Variants in GABBR2 observed in about 807,000 individuals in gnomAD.
GABBR2 encodes gamma-aminobutyric acid type B receptor subunit 2, also known as G-protein coupled receptor 51.
A neutral mutation model predicts 105.6 loss-of-function variants in GABBR2; 23 were observed. That is an observed-to-expected ratio of 0.22 (90% CI 0.16 to 0.31). GABBR2 has a LOEUF of 0.31. GABBR2 is among the 10% of genes least tolerant of loss of function. GABBR2 has a pLI of 1.00. For synonymous variants in GABBR2, 478 were observed against 499.7 expected (o/e 0.96, Z 0.58); for missense variants, 734 against 1,245.5 (o/e 0.59, Z 6.18).
chr9:98,586,291 T>C (rs1829075417), intron 1 of GABBR2, among the ~76,000 whole-genome samples: 2 of 150,270 alleles, frequency 1.3e-5, no homozygotes, highest in Non-Finnish European at 1.5e-5. Flanking sequence ...TTTCTTTTTT[T>C]TTTTTTTTTT....
intron 1 of GABBR2, among the ~76,000 whole-genome samples, chr9:98,614,006 G>C (rs1743994096): frequency 6.6e-6 from 1 of 152,162 alleles, no homozygotes; most frequent in Non-Finnish European, 1.5e-5. Context: ...GGGTTGTGAT[G>C]CATGATTACA....
At position 98,479,225 on chromosome 9, in the gene GABBR2, G is replaced by T. The variant is rs560658824; in HGVS notation, c.798+1707C>A. Among the ~76,000 whole-genome samples the T allele has an allele frequency of 4.6e-5, 7 of 152,166 alleles. No homozygotes were observed. The East Asian group carries it at 1.2e-3, about 25-fold the overall frequency. ...CCATAAAACTTGCCAGTAAATGGTG[G>T]CCCATTCCATCTTTGGACACCTGAG... On this transcript the variant is annotated intron_variant, in intron 5 of 18. Transcript: ENST00000259455.
At chr9:98,549,319 T>C (rs1280858378) in intron 2 of GABBR2, among the ~76,000 whole-genome samples, 1 of 146,326 alleles carries the variant, frequency 6.8e-6, no homozygotes, top group African/African-American at 2.5e-5. Context: ...TTTTATTGAG[T>C]AGCCAAATAC....
intron 18 of GABBR2, among the ~76,000 whole-genome samples, chr9:98,292,679 A>T (rs1830320076): frequency 6.6e-6 from 1 of 152,232 alleles, no homozygotes; most frequent in Non-Finnish European, 1.5e-5. Flanking sequence ...GGAAGAATAA[A>T]CTGTGACCTG....
intron 14 of GABBR2, among the ~76,000 whole-genome samples, chr9:98,309,420 T>C (rs147084943): frequency 1.3e-5 from 2 of 152,370 alleles, no homozygotes; most frequent in Non-Finnish European, 1.5e-5. Flanking sequence ...AGATTCTCTC[T>C]ATTCAACCAG....
intron 11 of GABBR2, among the ~76,000 whole-genome samples, chr9:98,377,435 A>G (rs1035904024): frequency 3.3e-5 from 5 of 152,148 alleles, no homozygotes; most frequent in Non-Finnish European, 5.9e-5. Context: ...GGGGTCCCTT[A>G]TTTTAAGTCT....
intron 2 of GABBR2, among the ~76,000 whole-genome samples, chr9:98,564,646 G>GT (rs1828724243): frequency 6.6e-6 from 1 of 152,204 alleles, no homozygotes; most frequent in Non-Finnish European, 1.5e-5. Flanking sequence ...AAAGGCTATA[G>GT]ACATGTGACA....
intron 1 of GABBR2, among the ~76,000 whole-genome samples, chr9:98,634,661 T>C (rs542893869): frequency 6.6e-6 from 1 of 152,198 alleles, no homozygotes; most frequent in Non-Finnish European, 1.5e-5. Flanking sequence ...CCTCCAGAAC[T>C]GTGAGCTAAT....
At chr9:98,541,371 C>T in intron 3 of GABBR2, among the ~76,000 whole-genome samples, 1 of 150,874 alleles carries the variant, frequency 6.6e-6, no homozygotes. Flanking sequence ...TTTTTTTCCC[C>T]CACAACAAAA....
chr9:98,619,941 C>T (rs899552231), intron 1 of GABBR2, among the ~76,000 whole-genome samples: 1 of 152,216 alleles, frequency 6.6e-6, no homozygotes, highest in African/African-American at 2.4e-5. Context: ...CACCACTCAC[C>T]TGCTGTGTGG....
intron 1 of GABBR2, among the ~76,000 whole-genome samples, chr9:98,657,283 C>G (rs997716128): frequency 1.3e-5 from 2 of 152,176 alleles, no homozygotes; most frequent in Non-Finnish European, 2.9e-5. Context: ...AGAAATATTT[C>G]TCTGTATCCA....
At chr9:98,420,397 T>C (rs1181621416) in intron 7 of GABBR2, among the ~76,000 whole-genome samples, 1 of 152,150 alleles carries the variant, frequency 6.6e-6, no homozygotes, top group Non-Finnish European at 1.5e-5. Context: ...GCTGCCAGGC[T>C]GGTAGGAGGA....
chr9:98,370,165 A>G (rs1390301667), intron 12 of GABBR2, among the ~76,000 whole-genome samples: 2 of 152,108 alleles, frequency 1.3e-5, no homozygotes, highest in African/African-American at 4.8e-5. Context: ...TCTGTGCCCC[A>G]GATGTGGGCC....
chr9:98,372,855 A>G (rs1333357313), intron 11 of GABBR2, among the ~76,000 whole-genome samples: 1 of 152,234 alleles, frequency 6.6e-6, no homozygotes, highest in Non-Finnish European at 1.5e-5. Flanking sequence ...CCACTAAATC[A>G]AGGGAAGGAC....
chr9:98,379,601 T>C (rs1217160074), intron 11 of GABBR2, among the ~76,000 whole-genome samples: 1 of 152,218 alleles, frequency 6.6e-6, no homozygotes, highest in Admixed American at 6.5e-5. Flanking sequence ...TTACTCTGCT[T>C]TATCAGTGTC....
At chr9:98,397,025 G>T (rs7048744) in intron 8 of GABBR2, among the ~76,000 whole-genome samples, 2 of 152,164 alleles carry the variant, frequency 1.3e-5, no homozygotes, top group Admixed American at 1.3e-4. Flanking sequence ...CCTCAAATAG[G>T]TTAAGTACCC....
At chr9:98,444,515 G>A (rs537717307) in intron 7 of GABBR2, among the ~76,000 whole-genome samples, 2 of 152,266 alleles carry the variant, frequency 1.3e-5, no homozygotes, top group Admixed American at 6.5e-5. Context: ...GTAGGAGCTC[G>A]TTAATTGATA....
chr9:98,654,527 A>G (rs1043260299), intron 1 of GABBR2, among the ~76,000 whole-genome samples: 3 of 152,242 alleles, frequency 2.0e-5, no homozygotes, highest in African/African-American at 7.2e-5. Flanking sequence ...ATATTAGTCA[A>G]ATAGTCAAAC....
At chr9:98,666,800 T>C (rs1415038399) in intron 1 of GABBR2, among the ~76,000 whole-genome samples, 1 of 152,194 alleles carries the variant, frequency 6.6e-6, no homozygotes, top group Admixed American at 6.5e-5. Context: ...GTACCATTAA[T>C]CTTTCAGCTA....
Sources: gnomAD v4.1 joint callset for allele counts (sites outside exome capture counted in the v4.1 genomes callset) on GRCh38, gnomAD v4.1.1 for gene constraint, MANE v1.5 for transcripts, NCBI Gene and HGNC (gene_info 2026-07-23, HGNC 2026-07-21) for gene names.